The following SETBP1 variants were observed in gnomAD, a reference collection of about 807,000 sequenced individuals.
SETBP1 encodes the protein SET binding protein 1, also known as SET-binding protein.
SETBP1 carries 9 observed loss-of-function variants against 101.0 expected under a neutral mutation model. That is an observed-to-expected ratio of 0.09 (90% confidence interval 0.05 to 0.16). SETBP1 has a LOEUF of 0.16. Ranked by LOEUF, SETBP1 falls within the 10% of genes least tolerant of loss-of-function variation. The pLI is 1.00. For missense variants in SETBP1, 1,858 were observed against 2,033.8 expected (o/e 0.91, Z 1.66); for synonymous variants, 818 against 788.5 (o/e 1.04, Z -0.63).
At chr18:44,835,914 TC>T (rs1255463466) in intron 2 of SETBP1, among the ~76,000 whole-genome samples, 2 of 152,204 alleles carry the variant, frequency 1.3e-5, no homozygotes, top group Non-Finnish European at 2.9e-5. Flanking sequence ...AAAATTCAAG[TC>T]CTATTCAAGA....
At chr18:44,973,626 A>C (rs1175454254) in intron 4 of SETBP1, among the ~76,000 whole-genome samples, 1 of 152,182 alleles carries the variant, frequency 6.6e-6, no homozygotes. Context: ...CATTTCATTA[A>C]GTTTTGAGGG....
chr18:44,721,685 C>A (rs1173267209), intron 2 of SETBP1, among the ~76,000 whole-genome samples: 5 of 152,140 alleles, frequency 3.3e-5, no homozygotes, highest in Non-Finnish European at 7.3e-5. Context: ...ATCTATGTTA[C>A]CCGCTTTAAA....
At chr18:45,056,262 C>A (rs1348714631) in intron 5 of SETBP1, among the ~76,000 whole-genome samples, 2 of 152,138 alleles carry the variant, frequency 1.3e-5, no homozygotes, top group African/African-American at 4.8e-5. Context: ...GTTGAAAAGT[C>A]TTGCTTTTCT....
At chr18:44,946,986 C>T (rs2071221820) in intron 3 of SETBP1, among the ~76,000 whole-genome samples, 2 of 152,088 alleles carry the variant, frequency 1.3e-5, no homozygotes, top group African/African-American at 4.8e-5. Flanking sequence ...AAATGAAATA[C>T]CTGTCGTAAA....
intron 3 of SETBP1, among the ~76,000 whole-genome samples, chr18:44,910,229 A>G (rs1325828483): frequency 6.6e-6 from 1 of 152,188 alleles, no homozygotes; most frequent in Admixed American, 6.5e-5. Context: ...TGATGTAACC[A>G]TCATACACAT....
intron 2 of SETBP1, among the ~76,000 whole-genome samples, chr18:44,727,948 TA>T (rs947847131): frequency 7.2e-5 from 11 of 151,890 alleles, no homozygotes; most frequent in African/African-American, 2.4e-4. Context: ...TTGTATCCAA[TA>T]AAAAAAAGAG....
Position 44,910,162 on chromosome 18 carries a change from T to C in SETBP1, c.541-39719T>C, listed in dbSNP as rs1157657644. On this transcript the variant is annotated intron_variant, in intron 3 of 5. Transcript: ENST00000649279. ...TGCCTCTTCCTCTCTGAGATTGTTG[T>C]TAACTGGAGCAGGAGGTTCTCACTA... Among the ~76,000 whole-genome samples the C allele has an allele frequency of 3.3e-5, 5 of 152,202 alleles. No individual in the cohort carries two copies. The East Asian group carries it at 9.6e-4, about 29-fold the overall frequency.
intron 2 of SETBP1, among the ~76,000 whole-genome samples, chr18:44,774,365 ATGTGTGTGTGGGTGTGTG>A (rs1177942080): frequency 6.7e-6 from 1 of 149,272 alleles, no homozygotes; most frequent in Non-Finnish European, 1.5e-5. Flanking sequence ...TTGAGTGTGT[ATGTGTGTGTGGGTGTGTG>A]TGTGTGTGGG....
intron 4 of SETBP1, among the ~76,000 whole-genome samples, chr18:45,015,088 G>T (rs1447592632): frequency 6.6e-6 from 1 of 152,196 alleles, no homozygotes; most frequent in East Asian, 1.9e-4. Context: ...CTTGGAGCTA[G>T]ATCAACTTGC....
chr18:44,710,674 A>G (rs2069319082), intron 2 of SETBP1, among the ~76,000 whole-genome samples: 1 of 151,766 alleles, frequency 6.6e-6, no homozygotes, highest in Admixed American at 6.6e-5. Context: ...CTGGGCTCGA[A>G]CTCCTGACCT....
chr18:44,695,022 T>C (rs973743853), intron 1 of SETBP1, among the ~76,000 whole-genome samples: 13 of 151,766 alleles, frequency 8.6e-5, no homozygotes, highest in African/African-American at 2.9e-4. Context: ...AAATGTGCAA[T>C]TGCAGAATTA....
intron 3 of SETBP1, among the ~76,000 whole-genome samples, chr18:44,900,965 A>G (rs1396010766): frequency 6.6e-6 from 1 of 152,178 alleles, no homozygotes; most frequent in African/African-American, 2.4e-5. Flanking sequence ...TAATACTAGA[A>G]ACAAATAAAA....
At position 45,025,459 on chromosome 18, in the gene SETBP1, A is replaced by G. The variant is rs576008040; in HGVS notation, c.4001-13026A>G. Among the ~76,000 whole-genome samples the G allele has an allele frequency of 4.6e-5, 7 of 152,300 alleles. 1 individual carries two copies. Among genetic ancestry groups the G allele is most frequent in the Admixed American group, 2.6e-4 (4 of 15,308 alleles). On this transcript the variant is annotated intron_variant, in intron 4 of 5. Transcript: ENST00000649279. ...AGCTTGTCTGACTGAACTACTAGAG[A>G]TAAAGATTAGGAGATCTATCTAATG... is the stretch of plus-strand genomic sequence containing the variant.
chr18:44,787,881 G>A (rs12958027), intron 2 of SETBP1, among the ~76,000 whole-genome samples: 1,878 of 50,012 alleles, frequency 0.038, no homozygotes, highest in Middle Eastern at 0.062. Context: ...AAAAAAAAAA[G>A]AAAATTGTTC....
intron 4 of SETBP1, among the ~76,000 whole-genome samples, chr18:45,017,752 C>T (rs191937662): frequency 3.9e-5 from 6 of 152,352 alleles, no homozygotes; most frequent in East Asian, 1.9e-4. Context: ...CTCTTGTCTT[C>T]GAATTACTCT....
intron 2 of SETBP1, among the ~76,000 whole-genome samples, chr18:44,813,396 C>T (rs1477227906): frequency 2.0e-5 from 3 of 151,954 alleles, no homozygotes; most frequent in Non-Finnish European, 4.4e-5. Flanking sequence ...AAGTGCTGGA[C>T]AGGGCTGGAA....
At chr18:44,909,884 A>G (rs2070263890) in intron 3 of SETBP1, among the ~76,000 whole-genome samples, 2 of 152,200 alleles carry the variant, frequency 1.3e-5, no homozygotes, top group Admixed American at 1.3e-4. Flanking sequence ...CAATTTGGCT[A>G]TACTTGGAGA....
chr18:44,919,709 C>T (rs998103936), intron 3 of SETBP1, among the ~76,000 whole-genome samples: 1 of 151,022 alleles, frequency 6.6e-6, no homozygotes, highest in African/African-American at 2.4e-5. Flanking sequence ...ATAATCTGTG[C>T]CATTTGATTA....
chr18:44,789,729 A>G (rs1175586296), intron 2 of SETBP1, among the ~76,000 whole-genome samples: 2 of 152,170 alleles, frequency 1.3e-5, no homozygotes. Flanking sequence ...AGGGAGTAGG[A>G]TGGATATTGT....
Sources: gnomAD v4.1 joint callset for allele counts (sites outside exome capture counted in the v4.1 genomes callset) on GRCh38, gnomAD v4.1.1 for gene constraint, MANE v1.5 for transcripts, NCBI Gene and HGNC (gene_info 2026-07-23, HGNC 2026-07-21) for gene names.